HHIPL1: variants seen among roughly 807,000 people sequenced by gnomAD.
HHIPL1 encodes HHIP-like protein 1.
Under a neutral mutation model 61.8 loss-of-function variants are expected in HHIPL1, and 43 were observed. That is an observed-to-expected ratio of 0.70 (90% confidence interval 0.55 to 0.90). The LOEUF (loss-of-function observed/expected upper bound fraction) is 0.90, where lower values mean the gene tolerates loss of function less well. Among genes scored for constraint, HHIPL1 ranks in the 40% least tolerant of loss-of-function variants. HHIPL1 has a pLI of 0.00. For synonymous variants in HHIPL1, 482 were observed against 515.8 expected (o/e 0.93, Z 0.89); for missense variants, 1,056 against 1,157.7 (o/e 0.91, Z 1.28).
the HHIPL1 span, among the ~76,000 whole-genome samples, chr14:99,607,021 CTTTTT>C: frequency 8.8e-5 from 6 of 68,404 alleles, no homozygotes; most frequent in African/African-American, 2.6e-4. Flanking sequence ...GTGACTTTGC[CTTTTT>C]TTTTTTTTTT....
the HHIPL1 span, among the ~76,000 whole-genome samples, chr14:99,620,227 C>T: frequency 6.6e-6 from 1 of 152,196 alleles, no homozygotes; most frequent in Non-Finnish European, 1.5e-5. Flanking sequence ...CCTCAGCTCC[C>T]CAGGGAGTCA....
upstream of HHIPL1, among the ~76,000 whole-genome samples, chr14:99,642,627 G>A (rs2055767106): frequency 1.3e-5 from 2 of 151,694 alleles, no homozygotes; most frequent in Non-Finnish European, 2.9e-5. Context: ...CTGGGTTCAC[G>A]CCATTCTCCT....
the HHIPL1 span, among the ~76,000 whole-genome samples, chr14:99,634,889 T>C: frequency 2.6e-5 from 4 of 152,176 alleles, no homozygotes; most frequent in African/African-American, 9.7e-5. Flanking sequence ...AAACTTCCTC[T>C]GACAGGAAAC....
chr14:99,648,239 T>C (rs936182704), intron 1 of HHIPL1, among the ~76,000 whole-genome samples: 8 of 152,194 alleles, frequency 5.3e-5, no homozygotes, highest in African/African-American at 1.9e-4. Context: ...TCCTGAATGT[T>C]GGTTGCATGT....
rs186870787 is a variant in HHIPL1 at position 99,678,684 on chromosome 14, G to T, written c.*3058G>T. 8 of 152,244 alleles carry T rather than the reference G, an allele frequency of 5.3e-5. No individual in the cohort carries two copies. The highest frequency in any genetic ancestry group is 1.2e-4 in the Non-Finnish European group (8 of 68,044). The allele number at this position is 152,244 out of a possible 1,614,324, so 9.4% of individuals were successfully genotyped here. On this transcript the variant is annotated 3_prime_UTR_variant, in exon 9 of 9. Transcript: ENST00000330710. ...AATAATATTCCCAAATAAGGAAGGG[G>T]TATAGGCTGTGAGCTGGGACATGCC...
intron 6 of HHIPL1, among the ~76,000 whole-genome samples, chr14:99,667,359 A>G (rs2056262430): frequency 6.6e-6 from 1 of 151,470 alleles, no homozygotes; most frequent in African/African-American, 2.4e-5. Flanking sequence ...GGAATAATGC[A>G]GCCTATTTTC....
intron 1 of HHIPL1, among the ~76,000 whole-genome samples, chr14:99,648,823 G>C (rs941678319): frequency 6.6e-6 from 1 of 152,230 alleles, no homozygotes; most frequent in African/African-American, 2.4e-5. Flanking sequence ...ACAGGACACT[G>C]TGCAAAGGCT....
At chr14:99,642,675 A>G (rs1292803712), upstream of HHIPL1, among the ~76,000 whole-genome samples, 2 of 151,536 alleles carry the variant, frequency 1.3e-5, no homozygotes, top group African/African-American at 4.9e-5. Flanking sequence ...ATAGGCGCCC[A>G]TCACCATGCC....
chr14:99,617,589 C>T, the HHIPL1 span, among the ~76,000 whole-genome samples: 22,389 of 152,044 alleles, frequency 0.15, 2,093 homozygotes, highest in African/African-American at 0.27. Context: ...TACATGATTG[C>T]TTTTACCCTA....
intron 7 of HHIPL1, chr14:99,669,134 C>G: frequency 1.4e-6 from 2 of 1,382,890 alleles, no homozygotes; most frequent in Non-Finnish European, 1.9e-6. Flanking sequence ...CTGGGCTACA[C>G]GACTGACTCT....
upstream of HHIPL1, among the ~76,000 whole-genome samples, chr14:99,640,877 C>CTTTTTTTTTTTTTTTTTTTTTT (rs59137552): frequency 1.4e-5 from 1 of 69,856 alleles, no homozygotes. Flanking sequence ...ACTTCTTCTT[C>CTTTTTTTTTTTTTTTTTTTTTT]TTTTTTTTTT....
chr14:99,647,337 C>T (rs1227004131), intron 1 of HHIPL1, among the ~76,000 whole-genome samples: 2 of 152,228 alleles, frequency 1.3e-5, no homozygotes, highest in Admixed American at 1.3e-4. Flanking sequence ...TCCTCAGGAC[C>T]AGGTCCTTTG....
chr14:99,606,610 G>A, the HHIPL1 span, among the ~76,000 whole-genome samples: 14 of 152,208 alleles, frequency 9.2e-5, no homozygotes, highest in East Asian at 1.9e-4. Context: ...GGCAGCTTCC[G>A]CTGAACTTCC....
Position 99,645,477 on chromosome 14 carries a change from G to T in HHIPL1, c.255+15G>T. 1.6e-6 allele frequency: 2 copies of T among 1,269,880 alleles called. No individual in the cohort carries two copies. The highest frequency in any genetic ancestry group is 3.1e-5 in the African/African-American group (2 of 64,166). 78.7% of individuals were successfully genotyped at this position (1,269,880 alleles called of 1,614,324 possible). ...TGCTGTGCCAGGTGAGCGGGCGCGC[G>T]GCCACCGGGCGGGGCGGGGCGCGGG... On this transcript the variant is annotated intron_variant, in intron 1 of 8. Transcript: ENST00000330710.
intron 1 of HHIPL1, among the ~76,000 whole-genome samples, chr14:99,647,707 A>G (rs12889334): frequency 0.19 from 28,174 of 152,246 alleles, 3,046 homozygotes; most frequent in Non-Finnish European, 0.24. Context: ...TAGCCAAGGC[A>G]GAGTCTGCAT....
chr14:99,666,503 T>C (rs1334059877), intron 6 of HHIPL1, among the ~76,000 whole-genome samples: 3 of 152,200 alleles, frequency 2.0e-5, no homozygotes, highest in Non-Finnish European at 2.9e-5. Context: ...TGGCTGACTA[T>C]GAACGCCTGG....
intron 6 of HHIPL1, among the ~76,000 whole-genome samples, chr14:99,664,840 T>A (rs1595165163): frequency 6.6e-6 from 1 of 151,906 alleles, no homozygotes; most frequent in East Asian, 1.9e-4. Flanking sequence ...AAATGCATCC[T>A]GTCACAATGA....
At chr14:99,650,682 G>T (rs970076035) in intron 1 of HHIPL1, among the ~76,000 whole-genome samples, 1 of 152,196 alleles carries the variant, frequency 6.6e-6, no homozygotes, top group African/African-American at 2.4e-5. Context: ...ATAAGAACAG[G>T]CCTCCCTCCC....
At chr14:99,606,724 C>T in the HHIPL1 span, among the ~76,000 whole-genome samples, 44 of 152,196 alleles carry the variant, frequency 2.9e-4, no homozygotes, top group African/African-American at 9.7e-4. Context: ...GATAGCTTTG[C>T]TCACATCCTC....
Sources: allele counts gnomAD v4.1 joint callset (sites outside exome capture counted in the v4.1 genomes callset), GRCh38; gene constraint gnomAD v4.1.1; transcripts MANE v1.5; gene names NCBI Gene and HGNC (gene_info 2026-07-23, HGNC 2026-07-21).